PRKCE: variants seen among roughly 807,000 people sequenced by gnomAD.
The protein encoded by PRKCE is protein kinase C epsilon type.
PRKCE carries 16 observed loss-of-function variants against 85.4 expected under a neutral mutation model. The observed-to-expected ratio is 0.19, with a 90% CI of 0.13 to 0.28. The LOEUF is 0.28. Among genes scored for constraint, PRKCE ranks in the 10% least tolerant of loss-of-function variants. PRKCE has a pLI of 1.00. For synonymous variants in PRKCE, 388 were observed against 371.5 expected (o/e 1.04, Z -0.51); for missense variants, 573 against 975.2 (o/e 0.59, Z 5.49).
At chr2:46,009,691 G>C (rs545691448) in intron 9 of PRKCE, among the ~76,000 whole-genome samples, 1 of 152,138 alleles carries the variant, frequency 6.6e-6, no homozygotes, top group Non-Finnish European at 1.5e-5. Context: ...TTTTAATTGT[G>C]TACAAAAATA....
In PRKCE at chr2:45,937,354, G is replaced by A. The variant is rs1014029529; in HGVS notation, c.413-39075G>A. Among the ~76,000 whole-genome samples, 8 of 152,180 alleles carry A rather than the reference G, an allele frequency of 5.3e-5. No individual in the cohort carries two copies. The East Asian group carries it at 9.6e-4, about 18-fold the overall frequency. On this transcript the variant is annotated intron_variant, in intron 2 of 14. Transcript: ENST00000306156. ...TCCTTCTGAGGGTGACCTGAGCCAC[G>A]ATGTTATGGGATGGAGGCTAACACC...
intron 14 of PRKCE, among the ~76,000 whole-genome samples, chr2:46,161,429 G>A (rs1677747333): frequency 1.3e-5 from 2 of 152,266 alleles, no homozygotes; most frequent in East Asian, 1.9e-4. Context: ...CACAGGATGA[G>A]ACTGAAGCTG....
intron 2 of PRKCE, among the ~76,000 whole-genome samples, chr2:45,883,921 T>C (rs1013319824): frequency 2.0e-5 from 3 of 152,146 alleles, no homozygotes; most frequent in Admixed American, 2.0e-4. Context: ...ACGTTGTCAA[T>C]GCTTTGCAGA....
At chr2:46,157,377 G>A (rs1317119858) in intron 13 of PRKCE, among the ~76,000 whole-genome samples, 1 of 152,148 alleles carries the variant, frequency 6.6e-6, no homozygotes, top group East Asian at 1.9e-4. Context: ...TAGAGCAGTG[G>A]CCTTTAACTA....
chr2:45,873,011 G>A (rs1230317312), intron 2 of PRKCE, among the ~76,000 whole-genome samples: 1 of 152,150 alleles, frequency 6.6e-6, no homozygotes, highest in Non-Finnish European at 1.5e-5. Flanking sequence ...TCAACCACAT[G>A]GAAACAAAGG....
chr2:46,103,986 T>G (rs1249522280), intron 11 of PRKCE, among the ~76,000 whole-genome samples: 1 of 152,196 alleles, frequency 6.6e-6, no homozygotes, highest in Admixed American at 6.5e-5. Flanking sequence ...TGCCTTTTCA[T>G]TTCTCTAAAA....
chr2:46,180,815 C>T (rs1160420825), intron 14 of PRKCE, among the ~76,000 whole-genome samples: 1 of 152,216 alleles, frequency 6.6e-6, no homozygotes, highest in East Asian at 1.9e-4. Flanking sequence ...AAGAGGTTAA[C>T]TTCACAGCGT....
At position 46,134,448 on chromosome 2, in the gene PRKCE, C is replaced by T. The variant is rs1270711230; in HGVS notation, c.1593-10645C>T. Reference sequence around the variant, plus strand: ...AGGGCCTCTCACACCATGCTAACAACCCTGCTTCTGGGGTGCCATTGAAGA... The same window carrying T: ...AGGGCCTCTCACACCATGCTAACAATCCTGCTTCTGGGGTGCCATTGAAGA... On this transcript the variant is annotated intron_variant, in intron 11 of 14. Transcript: ENST00000306156. 3.3e-5 allele frequency among the ~76,000 whole-genome samples: 5 copies of T among 152,352 alleles called. No homozygotes were observed. In the South Asian group the frequency reaches 1.0e-3, roughly 32 times the overall value.
chr2:46,174,464 T>TG (rs1345704638), intron 14 of PRKCE, among the ~76,000 whole-genome samples: 1 of 152,080 alleles, frequency 6.6e-6, no homozygotes, highest in Non-Finnish European at 1.5e-5. Flanking sequence ...TAAAAAGAGA[T>TG]GTAAGTGAAA....
chr2:45,940,433 A>G (rs1699790398), intron 2 of PRKCE, among the ~76,000 whole-genome samples: 1 of 152,244 alleles, frequency 6.6e-6, no homozygotes, highest in South Asian at 2.1e-4. Flanking sequence ...GTATGTGTTT[A>G]TAATTTATAT....
chr2:46,034,509 G>C (rs546605415), intron 10 of PRKCE, among the ~76,000 whole-genome samples: 1 of 152,270 alleles, frequency 6.6e-6, no homozygotes, highest in African/African-American at 2.4e-5. Flanking sequence ...TAGATCTCTA[G>C]CCACCAATCC....
At chr2:45,967,191 C>T (rs1376272761) in intron 2 of PRKCE, among the ~76,000 whole-genome samples, 1 of 152,112 alleles carries the variant, frequency 6.6e-6, no homozygotes, top group Non-Finnish European at 1.5e-5. Context: ...AGATGTGGAG[C>T]GGTATGTACT....
At position 46,184,604 on chromosome 2, in the gene PRKCE, G is replaced by A. The variant is rs959290197; in HGVS notation, c.2068-131G>A. 2.2e-5 allele frequency: 25 copies of A among 1,160,320 alleles called. No homozygotes were observed. Among genetic ancestry groups the A allele is most frequent in the African/African-American group, 4.6e-5 (3 of 64,980 alleles). The allele number at this position is 1,160,320 out of a possible 1,614,324, so 71.9% of individuals were successfully genotyped here. On this transcript the variant is annotated intron_variant, in intron 14 of 14. Coordinates refer to ENST00000306156, the MANE Select transcript of PRKCE (RefSeq NM_005400.3). This position sits in a 1 kb window ranked among gnomAD's most constrained non-coding sequence, Gnocchi z 5.0. The stretch of plus-strand genomic sequence containing the variant: ...ATCGTTACCTCATCGGGACAGCCCC[G>A]TGTCTGCTGTCTGTTGGTAGCTAGA...
At chr2:45,798,632 G>C (rs986420045) in intron 1 of PRKCE, among the ~76,000 whole-genome samples, 10 of 152,240 alleles carry the variant, frequency 6.6e-5, no homozygotes, top group African/African-American at 2.4e-4. Flanking sequence ...TCAAGTTCAA[G>C]TTGCATATTT....
chr2:45,825,899 C>T (rs917066153), intron 1 of PRKCE, among the ~76,000 whole-genome samples: 1 of 152,034 alleles, frequency 6.6e-6, no homozygotes, highest in African/African-American at 2.4e-5. Flanking sequence ...AAAACAAAAA[C>T]ATACCCCACA....
Position 46,185,063 on chromosome 2 carries a change from C to A in PRKCE, c.*182C>A, listed in dbSNP as rs1267829005. ...CCTCCTCCCCCTCCCACCTGGTGACCAGAAGGCGCTCTCGGTTCTTGTCTC... is the reference window on the plus strand; with the variant it reads ...CCTCCTCCCCCTCCCACCTGGTGACAAGAAGGCGCTCTCGGTTCTTGTCTC... On this transcript the variant is annotated 3_prime_UTR_variant, in exon 15 of 15. Transcript: ENST00000306156. This position sits in a 1 kb window ranked among gnomAD's most constrained non-coding sequence, Gnocchi z 4.7. 1 of 756,342 alleles carries A rather than the reference C, an allele frequency of 1.3e-6. No homozygotes were observed. The allele number at this position is 756,342 out of a possible 1,614,324, so 46.9% of individuals were successfully genotyped here.
chr2:45,924,876 A>G (rs1018821195), intron 2 of PRKCE, among the ~76,000 whole-genome samples: 3 of 152,212 alleles, frequency 2.0e-5, no homozygotes, highest in Non-Finnish European at 4.4e-5. Context: ...TACCAAAGCC[A>G]GGCCTGGGCT....
intron 2 of PRKCE, among the ~76,000 whole-genome samples, chr2:45,866,296 T>C (rs1693603045): frequency 6.6e-6 from 1 of 152,100 alleles, no homozygotes. Flanking sequence ...ATTTAATTAA[T>C]TAATTAATTG....
intron 2 of PRKCE, among the ~76,000 whole-genome samples, chr2:45,923,077 CAG>C (rs1457633885): frequency 6.6e-6 from 1 of 152,174 alleles, no homozygotes; most frequent in East Asian, 1.9e-4. Flanking sequence ...GTGCTTATAA[CAG>C]AGGACAGGAA....
Sources: allele counts gnomAD v4.1 joint callset (sites outside exome capture counted in the v4.1 genomes callset), GRCh38; gene constraint gnomAD v4.1.1; non-coding constraint Gnocchi (gnomAD v3.1); transcripts MANE v1.5; gene names NCBI Gene and HGNC (gene_info 2026-07-23, HGNC 2026-07-21).